CNTN3: variants seen among roughly 807,000 people sequenced by gnomAD.
CNTN3 encodes contactin-3.
Under a neutral mutation model 119.1 loss-of-function variants are expected in CNTN3, and 60 were observed. The observed-to-expected ratio is 0.50, with a 90% CI of 0.41 to 0.62. CNTN3 has a LOEUF of 0.62. Ranked by LOEUF, CNTN3 falls within the 20% of genes least tolerant of loss-of-function variation. The pLI, the probability that CNTN3 is intolerant of heterozygous loss-of-function variation, is 0.00. For synonymous variants in CNTN3, 450 were observed against 438.7 expected, an observed-to-expected ratio of 1.03 and a Z score of -0.32; for missense variants, 1,101 against 1,242.4, an observed-to-expected ratio of 0.89 and a Z score of 1.71.
chr3:74,437,889 G>A (rs1559601385), intron 4 of CNTN3, among the ~76,000 whole-genome samples: 2 of 151,934 alleles, frequency 1.3e-5, no homozygotes, highest in African/African-American at 4.8e-5. Context: ...GATTTCAATG[G>A]GGCAACAGAA....
intron 4 of CNTN3, among the ~76,000 whole-genome samples, chr3:74,471,281 C>T (rs1421789457): frequency 6.6e-6 from 1 of 151,850 alleles, no homozygotes; most frequent in Admixed American, 6.6e-5. Flanking sequence ...CACCATGGCA[C>T]GTGTATACCT....
chr3:74,581,236 T>G (rs1490516817), intron 1 of CNTN3, among the ~76,000 whole-genome samples: 1 of 151,718 alleles, frequency 6.6e-6, no homozygotes, highest in African/African-American at 2.4e-5. Context: ...ACATAAAATC[T>G]ATAAAAGAAA....
chr3:74,370,017 T>C (rs1704298661), intron 6 of CNTN3, 26 bp from the exon 7 acceptor site: 3 of 1,262,224 alleles, frequency 2.4e-6, no homozygotes, highest in South Asian at 2.6e-5. Flanking sequence ...ATAAAGTTAA[T>C]CGTTTCAATA....
intron 4 of CNTN3, among the ~76,000 whole-genome samples, chr3:74,430,637 T>C (rs547690520): frequency 1.3e-5 from 2 of 151,700 alleles, no homozygotes; most frequent in African/African-American, 4.8e-5. Flanking sequence ...TTAGGGAAAG[T>C]GGAGGGAGAT....
intron 1 of CNTN3, among the ~76,000 whole-genome samples, chr3:74,550,244 G>A (rs751821069): frequency 8.5e-5 from 13 of 152,286 alleles, no homozygotes; most frequent in African/African-American, 1.9e-4. Flanking sequence ...CAGGGCATCC[G>A]TTTTCTGTTA....
intron 1 of CNTN3, among the ~76,000 whole-genome samples, chr3:74,600,835 C>A: frequency 6.6e-6 from 1 of 151,998 alleles, no homozygotes; most frequent in Non-Finnish European, 1.5e-5. Context: ...ACCAGAAATC[C>A]TGTACTTTGA....
chr3:74,479,325 T>C (rs1009801356), intron 4 of CNTN3, among the ~76,000 whole-genome samples: 11 of 152,054 alleles, frequency 7.2e-5, no homozygotes, highest in African/African-American at 2.2e-4. Flanking sequence ...AAAGTAACTG[T>C]GTTTTTTGCC....
At chr3:74,322,863 T>A (rs1018010624) in intron 13 of CNTN3, among the ~76,000 whole-genome samples, 1 of 152,096 alleles carries the variant, frequency 6.6e-6, no homozygotes, top group African/African-American at 2.4e-5. Flanking sequence ...AACTTAAAAG[T>A]ATATTACTAA....
chr3:74,374,464 A>G (rs2106797398), intron 5 of CNTN3, among the ~76,000 whole-genome samples: 1 of 152,104 alleles, frequency 6.6e-6, no homozygotes, highest in Non-Finnish European at 1.5e-5. Context: ...GCCCATTTTC[A>G]TTGACTTCCT....
At chr3:74,293,242 G>A (rs561052539) in intron 19 of CNTN3, among the ~76,000 whole-genome samples, 40 of 152,152 alleles carry the variant, frequency 2.6e-4, no homozygotes, top group Non-Finnish European at 5.1e-4. Context: ...TGCTGTAGGG[G>A]GTTCACAGCC....
At chr3:74,519,065 A>C (rs991899522) in intron 2 of CNTN3, among the ~76,000 whole-genome samples, 1 of 151,900 alleles carries the variant, frequency 6.6e-6, no homozygotes, top group South Asian at 2.1e-4. Flanking sequence ...TAATAGGCTT[A>C]AGTGTATATT....
In CNTN3 at chr3:74,594,391, C is replaced by CATT. The variant is rs574310491; in HGVS notation, c.-81+19997_-81+19999dup. On this transcript the variant is annotated intron_variant, in intron 1 of 22. Transcript: ENST00000263665. The stretch of plus-strand genomic sequence containing the variant: ...ATGTGCCATGCTGGTGCACTGCACC[C>CATT]ATTAACTCATCATTTAGCATTAGGT... 1.0e-3 allele frequency among the ~76,000 whole-genome samples: 153 copies of CATT among 151,134 alleles called. 3 individuals are homozygous for CATT. The highest frequency in any genetic ancestry group is 3.6e-3 in the African/African-American group (150 of 41,162).
chr3:74,312,275 A>C (rs143870660), intron 13 of CNTN3, among the ~76,000 whole-genome samples: 1,658 of 151,852 alleles, frequency 0.011, 14 homozygotes, highest in Middle Eastern at 0.02. Context: ...AACATGGTGA[A>C]ACCATGTCTC....
intron 11 of CNTN3, among the ~76,000 whole-genome samples, chr3:74,360,067 G>T (rs969267840): frequency 7.9e-5 from 12 of 152,174 alleles, no homozygotes; most frequent in Admixed American, 3.9e-4. Flanking sequence ...TTGTCATCCT[G>T]CTGTGTCTGC....
intron 11 of CNTN3, among the ~76,000 whole-genome samples, chr3:74,353,898 C>T (rs888611780): frequency 5.3e-5 from 8 of 152,214 alleles, no homozygotes; most frequent in African/African-American, 1.9e-4. Flanking sequence ...TCATGGGCTA[C>T]AGCAGGTCCC....
chr3:74,286,962 T>C, intron 19 of CNTN3, among the ~76,000 whole-genome samples: 1 of 152,228 alleles, frequency 6.6e-6, no homozygotes, highest in South Asian at 2.1e-4. Context: ...TTCACACACC[T>C]GAGGCAGGGG....
At chr3:74,312,179 C>T (rs980143924) in intron 13 of CNTN3, among the ~76,000 whole-genome samples, 5 of 151,998 alleles carry the variant, frequency 3.3e-5, no homozygotes, top group Admixed American at 6.6e-5. Flanking sequence ...TCAGGCCGGA[C>T]GTGGTGGCTC....
At chr3:74,479,358 G>A (rs1702720712) in intron 4 of CNTN3, among the ~76,000 whole-genome samples, 1 of 152,080 alleles carries the variant, frequency 6.6e-6, no homozygotes, top group Non-Finnish European at 1.5e-5. Flanking sequence ...TAGGGGCAAA[G>A]AGAATACCTA....
intron 1 of CNTN3, among the ~76,000 whole-genome samples, chr3:74,585,430 A>AACC (rs1704577424): frequency 6.6e-6 from 1 of 152,194 alleles, no homozygotes; most frequent in Admixed American, 6.5e-5. Context: ...CTACAGAATT[A>AACC]ACCATTTATT....
Sources: gnomAD v4.1 joint callset for allele counts (sites outside exome capture counted in the v4.1 genomes callset) on GRCh38, gnomAD v4.1.1 for gene constraint, MANE v1.5 for transcripts, NCBI Gene and HGNC (gene_info 2026-07-23, HGNC 2026-07-21) for gene names.